Variants in HRH2 observed in about 807,000 individuals in gnomAD.
HRH2 encodes histamine receptor H2.
HRH2 carries 4 observed loss-of-function variants against 20.1 expected under a neutral mutation model. The observed-to-expected ratio is 0.20, with a 90% CI of 0.10 to 0.45. HRH2 has a LOEUF of 0.45. HRH2 is among the 20% of genes least tolerant of loss of function. The pLI is 0.99. For synonymous variants in HRH2, 197 were observed against 200.7 expected, an observed-to-expected ratio of 0.98 and a Z score of 0.16; for missense variants, 250 against 461.6, an observed-to-expected ratio of 0.54 and a Z score of 4.20.
At chr5:175,659,720 G>A (rs1293579318) in intron 1 of HRH2, among the ~76,000 whole-genome samples, 1 of 152,296 alleles carries the variant, frequency 6.6e-6, no homozygotes, top group East Asian at 1.9e-4. Flanking sequence ...ATAAGTTGCG[G>A]CATAGCACAG....
chr5:175,679,981 C>T (rs886285599), intron 1 of HRH2, among the ~76,000 whole-genome samples: 7 of 152,176 alleles, frequency 4.6e-5, no homozygotes, highest in East Asian at 1.9e-4. Flanking sequence ...TCTCCTCAAC[C>T]GTTAAATGGA....
Position 175,684,132 on chromosome 5 carries a change from A to G in HRH2, c.899A>G (p.Gln300Arg). ...ALNRDFRTGY[Q>R]QLFCCRLANR... ...AACAGAGACTTCCGCACCGGGTACCAACAGCTCTTCTGCTGCAGGCTGGCC... is the reference window on the plus strand; with the variant it reads ...AACAGAGACTTCCGCACCGGGTACCGACAGCTCTTCTGCTGCAGGCTGGCC... The change falls in exon 2 of 3, where the codon CAA becomes CGA. Residue 300 changes from glutamine to arginine, a missense_variant. By Grantham distance (43) the Gln-to-Arg change is conservative (BLOSUM62 1). Around this residue, in one of 5 missense-constraint regions of HRH2, gnomAD observed 58 missense variants for 166.8 expected, o/e 0.35. Coordinates refer to ENST00000636584, the MANE Select transcript of HRH2 (RefSeq NM_001367711.1). 6.2e-7 allele frequency: 1 copy of G among 1,614,174 alleles called. No homozygotes were observed. The highest frequency in any genetic ancestry group is 2.2e-5 in the East Asian group (1 of 44,886).
Position 175,697,182 on chromosome 5 carries a change from G to A in HRH2, c.1077-10597G>A, listed in dbSNP as rs560355863. 3.7e-3 allele frequency among the ~76,000 whole-genome samples: 569 copies of A among 152,200 alleles called. 7 individuals carry two copies. Among genetic ancestry groups the A allele is most frequent in the African/African-American group, 0.013 (542 of 41,544 alleles). ...AGTTTTACCTTTAAAGAGGATGCCC[G>A]GCCGGGCGCGGTGGCTCACGCCTGT... is the stretch of plus-strand genomic sequence containing the variant. On this transcript the variant is annotated intron_variant, in intron 2 of 2. Coordinates refer to ENST00000636584, the MANE Select transcript of HRH2 (RefSeq NM_001367711.1).
intron 1 of HRH2, among the ~76,000 whole-genome samples, chr5:175,660,127 C>G (rs1762695949): frequency 6.6e-6 from 1 of 152,210 alleles, no homozygotes; most frequent in African/African-American, 2.4e-5. Flanking sequence ...TGGTCCATCT[C>G]TGCCAACACC....
rs2113526686 is a variant in HRH2 at position 175,686,532 on chromosome 5, C to T, written c.1076+2223C>T. On this transcript the variant is annotated intron_variant, in intron 2 of 2. Coordinates refer to ENST00000636584, the MANE Select transcript of HRH2 (RefSeq NM_001367711.1). The surrounding 1 kb of genome is among the most constrained non-coding windows in gnomAD (Gnocchi z 4.7). ...ATAGAGCATCTTCCACCCTGTGCCA[C>T]CCTCGGCCACCTGCAATTGCTCATG... Among the ~76,000 whole-genome samples, 1 of 152,336 alleles carries T rather than the reference C, an allele frequency of 6.6e-6. No individual in the cohort carries two copies. The highest frequency in any genetic ancestry group is 1.9e-4 in the East Asian group (1 of 5,174).
rs935943208 is a variant in HRH2, at chr5:175,677,878, T to A, written c.-525-4831T>A. Among the ~76,000 whole-genome samples the A allele has an allele frequency of 6.6e-5, 10 of 152,200 alleles. No homozygotes were observed. The highest frequency in any genetic ancestry group is 2.2e-4 in the African/African-American group (9 of 41,472). ...CCCGCCTTCCAATCACATCACCCTC[T>A]GCTCGAACTTCCCCTCCACCTGCCG... On this transcript the variant is annotated intron_variant, in intron 1 of 2. Coordinates refer to ENST00000636584, the MANE Select transcript of HRH2 (RefSeq NM_001367711.1). The surrounding 1 kb of genome is among the most constrained non-coding windows in gnomAD (Gnocchi z 4.2).
intron 2 of HRH2, among the ~76,000 whole-genome samples, chr5:175,704,769 T>A (rs1166202942): frequency 2.0e-5 from 3 of 152,090 alleles, no homozygotes; most frequent in Non-Finnish European, 4.4e-5. Context: ...ATTGTCAACT[T>A]TTGAAAACTA....
chr5:175,668,309 G>T (rs1740854980), intron 1 of HRH2, among the ~76,000 whole-genome samples: 1 of 152,202 alleles, frequency 6.6e-6, no homozygotes, highest in Admixed American at 6.5e-5. Context: ...TTTACCCACT[G>T]ACTCCGCACA....
intron 2 of HRH2, among the ~76,000 whole-genome samples, chr5:175,688,981 C>T (rs1756271997): frequency 6.6e-6 from 1 of 152,164 alleles, no homozygotes; most frequent in Admixed American, 6.5e-5. Context: ...CTGCACAGTC[C>T]CTGGGCCTTT....
At chr5:175,685,323 G>T in intron 2 of HRH2, 1 of 1,334,764 alleles carries the variant, frequency 7.5e-7, no homozygotes, top group South Asian at 1.4e-5. Flanking sequence ...TTTAGCTGCT[G>T]AAAAGAGCAA....
intron 2 of HRH2, among the ~76,000 whole-genome samples, chr5:175,695,354 A>C (rs564467906): frequency 1.3e-5 from 2 of 152,244 alleles, no homozygotes; most frequent in East Asian, 3.9e-4. Flanking sequence ...AGTTGTTACA[A>C]GGATTAAAGG....
chr5:175,706,173 AG>A (rs1454509838), intron 2 of HRH2, among the ~76,000 whole-genome samples: 1 of 152,228 alleles, frequency 6.6e-6, no homozygotes, highest in Non-Finnish European at 1.5e-5. Flanking sequence ...GAAAGAAATC[AG>A]GGGCTGGAAA....
chr5:175,702,638 G>A (rs563762809), intron 2 of HRH2, among the ~76,000 whole-genome samples: 21 of 134,992 alleles, frequency 1.6e-4, no homozygotes, highest in East Asian at 1.1e-3. Context: ...TGAAAGCTCC[G>A]CCTCCCAAGA....
chr5:175,677,470 G>C lies in HRH2; in HGVS notation c.-525-5239G>C, dbSNP rs1041519697. 2.6e-5 allele frequency among the ~76,000 whole-genome samples: 4 copies of C among 152,176 alleles called. No homozygotes were observed. Among genetic ancestry groups the C allele is most frequent in the Non-Finnish European group, 5.9e-5 (4 of 68,032 alleles). ...AGAAAGGGCTCCCTGGGAAGGCCAG[G>C]GATCATTTCAGCTCTGACTGTCTGG... On this transcript the variant is annotated intron_variant, in intron 1 of 2. Coordinates refer to ENST00000636584, the MANE Select transcript of HRH2 (RefSeq NM_001367711.1). This position sits in a 1 kb window ranked among gnomAD's most constrained non-coding sequence, Gnocchi z 4.2.
intron 2 of HRH2, among the ~76,000 whole-genome samples, chr5:175,706,058 G>A (rs929093168): frequency 1.3e-5 from 2 of 152,126 alleles, no homozygotes; most frequent in Non-Finnish European, 2.9e-5. Context: ...AATAACAAAA[G>A]GTTAGCTACA....
chr5:175,700,042 C>T (rs770252370), intron 2 of HRH2, among the ~76,000 whole-genome samples: 25 of 152,294 alleles, frequency 1.6e-4, no homozygotes, highest in Admixed American at 5.9e-4. Flanking sequence ...TGGAGAGAGA[C>T]GGAGTTGTGT....
intron 1 of HRH2, among the ~76,000 whole-genome samples, chr5:175,660,654 T>C (rs1296671339): frequency 6.6e-6 from 1 of 152,176 alleles, no homozygotes; most frequent in Non-Finnish European, 1.5e-5. Context: ...GGCTTCGAGT[T>C]CTGAGAGCAG....
chr5:175,663,858 C>T (rs1196693209), intron 1 of HRH2, among the ~76,000 whole-genome samples: 3 of 152,232 alleles, frequency 2.0e-5, no homozygotes, highest in East Asian at 1.9e-4. Flanking sequence ...TACTGTGTGA[C>T]CCTGGGCAAG....
intron 1 of HRH2, among the ~76,000 whole-genome samples, chr5:175,662,472 TG>T (rs772026934): frequency 2.0e-5 from 3 of 152,126 alleles, no homozygotes; most frequent in Non-Finnish European, 2.9e-5. Context: ...AACCCTGGGC[TG>T]GAAGAGAAGA....
Sources: allele counts gnomAD v4.1 joint callset (sites outside exome capture counted in the v4.1 genomes callset), GRCh38; gene constraint gnomAD v4.1.1; regional missense constraint gnomAD v4.1.1; non-coding constraint Gnocchi (gnomAD v3.1); transcripts MANE v1.5; gene names NCBI Gene and HGNC (gene_info 2026-07-23, HGNC 2026-07-21).